The following MYO16 variants were observed in gnomAD, a reference collection of about 807,000 sequenced individuals.
MYO16 encodes the protein myosin XVI, also known as unconventional myosin-XVI.
MYO16 carries 94 observed loss-of-function variants against 205.3 expected under a neutral mutation model. The observed-to-expected ratio is 0.46, with a 90% CI of 0.39 to 0.54. MYO16 has a LOEUF of 0.54. Ranked by LOEUF, MYO16 falls within the 20% of genes least tolerant of loss-of-function variation. The pLI is 0.00. For missense variants in MYO16, 2,315 were observed against 2,387.5 expected (o/e 0.97, Z 0.63); for synonymous variants, 988 against 954.0 (o/e 1.04, Z -0.66).
chr13:109,192,312 G>A (rs1879956875), intron 34 of MYO16, among the ~76,000 whole-genome samples: 1 of 152,074 alleles, frequency 6.6e-6, no homozygotes, highest in African/African-American at 2.4e-5. Flanking sequence ...ATCTGTTTCT[G>A]GAAAGGACTA....
intron 21 of MYO16, among the ~76,000 whole-genome samples, chr13:109,002,914 A>G (rs368846734): frequency 1.3e-5 from 2 of 152,168 alleles, no homozygotes; most frequent in Non-Finnish European, 2.9e-5. Flanking sequence ...TAAAGTTTCA[A>G]TGAGGTATCC....
chr13:109,104,243 A>G (rs1402010024), intron 28 of MYO16, among the ~76,000 whole-genome samples: 1 of 152,198 alleles, frequency 6.6e-6, no homozygotes, highest in African/African-American at 2.4e-5. Flanking sequence ...TGCTCATATT[A>G]CAGGACTTGG....
chr13:109,166,631 C>T (rs1324647772), intron 33 of MYO16: 2 of 152,240 alleles, frequency 1.3e-5, no homozygotes, highest in Non-Finnish European at 2.9e-5. Flanking sequence ...TAACATTCAA[C>T]ATACATTCTT....
chr13:109,024,579 G>T (rs1886300259), intron 23 of MYO16, among the ~76,000 whole-genome samples: 1 of 152,016 alleles, frequency 6.6e-6, no homozygotes, highest in Non-Finnish European at 1.5e-5. Flanking sequence ...TAATTATTTT[G>T]CTGAATTCTG....
intron 21 of MYO16, among the ~76,000 whole-genome samples, chr13:108,995,968 T>C (rs1884988568): frequency 6.6e-6 from 1 of 152,162 alleles, no homozygotes; most frequent in Non-Finnish European, 1.5e-5. Context: ...ATAGGAACAC[T>C]TTTACACTGT....
intron 33 of MYO16, among the ~76,000 whole-genome samples, chr13:109,177,427 G>A (rs1879253177): frequency 6.6e-6 from 1 of 152,142 alleles, no homozygotes; most frequent in African/African-American, 2.4e-5. Context: ...GCAGGCTATC[G>A]ATTCCGCTCT....
At chr13:108,817,415 T>C (rs966314883) in intron 7 of MYO16, among the ~76,000 whole-genome samples, 1 of 152,190 alleles carries the variant, frequency 6.6e-6, no homozygotes, top group Admixed American at 6.5e-5. Context: ...GGCAAACATA[T>C]ACATTTCTGT....
At chr13:108,980,629 T>G (rs968335477) in intron 20 of MYO16, among the ~76,000 whole-genome samples, 2 of 152,208 alleles carry the variant, frequency 1.3e-5, no homozygotes, top group Non-Finnish European at 2.9e-5. Flanking sequence ...AATGTAATTT[T>G]CTAATTGAGG....
intron 15 of MYO16, among the ~76,000 whole-genome samples, chr13:108,908,964 C>T (rs547172149): frequency 1.4e-5 from 2 of 145,314 alleles, no homozygotes; most frequent in Admixed American, 1.4e-4. Context: ...TAGAGTGAGA[C>T]TGTGTCTCAA....
At position 108,715,963 on chromosome 13, in the gene MYO16, T is replaced by A. The variant is rs1037071128; in HGVS notation, c.363+3232T>A. Among the ~76,000 whole-genome samples, 4 of 152,044 alleles carry A rather than the reference T, an allele frequency of 2.6e-5. No homozygotes were observed. In the Admixed American group the frequency reaches 2.7e-4, roughly 10 times the overall value. Reference sequence around the variant, plus strand: ...TCTCAAAAACTGTGACTGTCTTGGATACTTTTCTTAGCAAGTGATGCATAG... The same window carrying A: ...TCTCAAAAACTGTGACTGTCTTGGAAACTTTTCTTAGCAAGTGATGCATAG... On this transcript the variant is annotated intron_variant, in intron 3 of 34. Coordinates refer to ENST00000457511, the MANE Select transcript of MYO16 (RefSeq NM_001198950.3).
intron 29 of MYO16, among the ~76,000 whole-genome samples, chr13:109,123,812 T>C (rs1876111159): frequency 6.6e-6 from 1 of 152,214 alleles, no homozygotes; most frequent in Non-Finnish European, 1.5e-5. Flanking sequence ...AAAGTTAATA[T>C]CATAGGTACC....
chr13:108,850,249 G>A (rs1053419874), intron 10 of MYO16, among the ~76,000 whole-genome samples: 10 of 152,304 alleles, frequency 6.6e-5, no homozygotes, highest in African/African-American at 1.9e-4. Context: ...CCCTGGACAT[G>A]TGCTACCAAC....
At chr13:108,895,622 GT>G (rs1880375727) in intron 14 of MYO16, among the ~76,000 whole-genome samples, 1 of 152,182 alleles carries the variant, frequency 6.6e-6, no homozygotes, top group Non-Finnish European at 1.5e-5. Flanking sequence ...GGTTAAGTGT[GT>G]GATTCTGAAA....
intron 10 of MYO16, among the ~76,000 whole-genome samples, chr13:108,844,931 T>C (rs946575007): frequency 6.6e-6 from 1 of 152,136 alleles, no homozygotes; most frequent in African/African-American, 2.4e-5. Flanking sequence ...TACGTGTCTG[T>C]GTGTTTATGT....
chr13:108,835,902 T>G (rs748482920), intron 9 of MYO16, among the ~76,000 whole-genome samples: 10 of 152,152 alleles, frequency 6.6e-5, no homozygotes, highest in Non-Finnish European at 1.5e-4. Flanking sequence ...TTTGGAAAAT[T>G]TGCAGCCTGA....
chr13:109,129,355 C>T (rs1416614838), intron 31 of MYO16, among the ~76,000 whole-genome samples: 1 of 151,972 alleles, frequency 6.6e-6, no homozygotes, highest in Non-Finnish European at 1.5e-5. Context: ...ATCTGTAAAA[C>T]GACATTAGAT....
chr13:108,693,207 T>C (rs777332138), intron 2 of MYO16, among the ~76,000 whole-genome samples: 7 of 152,208 alleles, frequency 4.6e-5, no homozygotes, highest in Non-Finnish European at 1.0e-4. Flanking sequence ...GTCAGGGAAT[T>C]GTGGCTCTTT....
At chr13:108,989,287 G>A (rs1884740062) in intron 20 of MYO16, among the ~76,000 whole-genome samples, 1 of 152,054 alleles carries the variant, frequency 6.6e-6, no homozygotes, top group Non-Finnish European at 1.5e-5. Flanking sequence ...TGTTGTTCAT[G>A]AACATTTCCT....
At chr13:108,612,143 G>A (rs887400640) in intron 1 of MYO16, among the ~76,000 whole-genome samples, 1 of 151,946 alleles carries the variant, frequency 6.6e-6, no homozygotes, top group South Asian at 2.1e-4. Context: ...GATAAGATAT[G>A]AACATTTTAT....
Sources: gnomAD v4.1 joint callset for allele counts (sites outside exome capture counted in the v4.1 genomes callset) on GRCh38, gnomAD v4.1.1 for gene constraint, MANE v1.5 for transcripts, NCBI Gene and HGNC (gene_info 2026-07-23, HGNC 2026-07-21) for gene names.